The following IHO1 variants were observed in gnomAD, a reference collection of about 807,000 sequenced individuals.
IHO1 encodes the protein interactor of HORMAD1 1.
A neutral mutation model predicts 31.0 loss-of-function variants in IHO1; 13 were observed. The ratio of observed to expected loss-of-function variants is 0.42; its 90% CI spans 0.27 to 0.67. IHO1 has a LOEUF of 0.67. IHO1 is among the 30% of genes least tolerant of loss of function. The pLI, the probability that IHO1 is intolerant of heterozygous loss-of-function variation, is 0.24. For synonymous variants in IHO1, 221 were observed against 248.4 expected (o/e 0.89, Z 1.04); for missense variants, 599 against 687.5 (o/e 0.87, Z 1.44).
intron 2 of IHO1, among the ~76,000 whole-genome samples, chr3:49,233,772 G>A (rs2046511808): frequency 6.6e-6 from 1 of 152,216 alleles, no homozygotes; most frequent in Admixed American, 6.5e-5. Flanking sequence ...ACTGTGACAT[G>A]TTCATTATGG....
the IHO1 span, chr3:49,191,920 A>T: frequency 1.3e-6 from 1 of 759,752 alleles, no homozygotes; most frequent in African/African-American, 1.7e-5. Flanking sequence ...TTGTTGAGAC[A>T]GTACATGACC....
chr3:49,250,400 T>G (rs934061030), intron 6 of IHO1, among the ~76,000 whole-genome samples: 1 of 152,212 alleles, frequency 6.6e-6, no homozygotes, highest in Admixed American at 6.6e-5. Context: ...TATGTTGCCC[T>G]GGGGACAAGA....
chr3:49,238,425 A>G (rs1056792494), intron 3 of IHO1, among the ~76,000 whole-genome samples: 2 of 152,170 alleles, frequency 1.3e-5, no homozygotes, highest in African/African-American at 4.8e-5. Context: ...TAAGGTGTGC[A>G]CCGGCTCAGC....
upstream of IHO1, among the ~76,000 whole-genome samples, chr3:49,196,032 G>A (rs1296307947): frequency 1.3e-5 from 2 of 150,858 alleles, no homozygotes; most frequent in Non-Finnish European, 3.0e-5. Context: ...TCAGCAGATC[G>A]AGAATATCCT....
At chr3:49,207,297 G>A (rs1647470068) in intron 1 of IHO1, among the ~76,000 whole-genome samples, 1 of 150,522 alleles carries the variant, frequency 6.6e-6, no homozygotes, top group South Asian at 2.1e-4. Flanking sequence ...CTAGGTGGGA[G>A]TGCAGTGGTG....
intron 2 of IHO1, among the ~76,000 whole-genome samples, chr3:49,233,189 C>T (rs1048719431): frequency 2.0e-5 from 3 of 152,244 alleles, no homozygotes; most frequent in South Asian, 2.1e-4. Flanking sequence ...TTAAACAAAA[C>T]GGTCAGATGG....
upstream of IHO1, among the ~76,000 whole-genome samples, chr3:49,194,693 ACAGAC>A (rs375108957): frequency 6.2e-3 from 914 of 147,044 alleles, 10 homozygotes; most frequent in African/African-American, 0.021. Context: ...CCCAGGAGTT[ACAGAC>A]CAGCCTGGGC....
intron 2 of IHO1, among the ~76,000 whole-genome samples, chr3:49,231,717 C>T (rs1559446289): frequency 6.6e-6 from 1 of 152,192 alleles, no homozygotes; most frequent in Admixed American, 6.5e-5. Flanking sequence ...CTTCCAGGAC[C>T]TTTAACTGAA....
chr3:49,206,392 G>A (rs754714747), intron 1 of IHO1, among the ~76,000 whole-genome samples: 4 of 150,584 alleles, frequency 2.7e-5, no homozygotes, highest in Non-Finnish European at 5.9e-5. Context: ...CACCGCTCCC[G>A]GCCATTTTTG....
At chr3:49,214,607 C>CATATATATATATATATATACAT (rs1575568932) in intron 2 of IHO1, among the ~76,000 whole-genome samples, 43 of 24,770 alleles carry the variant, frequency 1.7e-3, no homozygotes, top group East Asian at 2.2e-3. Context: ...ATTTCTAGAT[C>CATATATATATATATATATACAT]ATATATATAT....
chr3:49,239,663 AT>A (rs1185572264), intron 3 of IHO1, among the ~76,000 whole-genome samples: 427 of 131,336 alleles, frequency 3.3e-3, no homozygotes, highest in Admixed American at 3.7e-3. Flanking sequence ...GGCTCAAGGG[AT>A]TTTTTTTTTT....
At chr3:49,227,250 G>C (rs1261925037) in intron 2 of IHO1, among the ~76,000 whole-genome samples, 1 of 152,046 alleles carries the variant, frequency 6.6e-6, no homozygotes, top group Admixed American at 6.6e-5. Flanking sequence ...AGAGAATATC[G>C]GGGCCAGGCC....
chr3:49,250,451 T>C lies in IHO1; in HGVS notation c.533-4939T>C, dbSNP rs531380688. 5.3e-4 allele frequency among the ~76,000 whole-genome samples: 81 copies of C among 152,338 alleles called. 1 individual carries two copies. Among genetic ancestry groups the C allele is most frequent in the African/African-American group, 1.4e-3 (60 of 41,588 alleles). On this transcript the variant is annotated intron_variant, in intron 6 of 7. Transcript: ENST00000452691. ...CCTCAGATGGATGCTTTCTGAGCAC[T>C]TAATCCAGAATCAAACACTTTGCTT...
intron 2 of IHO1, among the ~76,000 whole-genome samples, chr3:49,235,935 A>AG (rs1455775034): frequency 6.6e-6 from 1 of 151,152 alleles, no homozygotes; most frequent in African/African-American, 2.4e-5. Context: ...GTCTCAAAAA[A>AG]AAAAAAAAAA....
intron 5 of IHO1, 51 bp downstream of exon 5, chr3:49,244,503 T>C (rs1414637384): frequency 2.2e-6 from 3 of 1,351,560 alleles, no homozygotes; most frequent in Non-Finnish European, 3.1e-6. Context: ...TTTTAAGAAG[T>C]TTAATATTTA....
At chr3:49,209,873 C>T (rs1381091385) in intron 1 of IHO1, among the ~76,000 whole-genome samples, 1 of 151,336 alleles carries the variant, frequency 6.6e-6, no homozygotes, top group East Asian at 2.0e-4. Context: ...CACCACCATG[C>T]CCGGCTAATT....
chr3:49,255,415 T>TGGTGTTTGAGGCAGTCCAGGAC lies in IHO1; in HGVS notation c.559_560insGTGTTTGAGGCAGTCCAGGACG (p.Asp187GlyfsTer3). On this transcript the variant is annotated stop_gained and frameshift_variant, in exon 7 of 8. Coordinates refer to ENST00000452691, the MANE Select transcript of IHO1 (RefSeq NM_001135197.2). LOFTEE classifies it high-confidence loss of function. Reference sequence around the variant, plus strand: ...TACAAGAGACTATACAGGCCCAGAATGACCTGGTGTTTGAGGCAGTCCAGG... The same window carrying TGGTGTTTGAGGCAGTCCAGGAC: ...TACAAGAGACTATACAGGCCCAGAATGGTGTTTGAGGCAGTCCAGGACGACCTGGTGTTTGAGGCAGTCCAGG... The TGGTGTTTGAGGCAGTCCAGGAC allele has an allele frequency of 6.2e-7, 1 of 1,602,322 alleles. No homozygotes were observed. Among genetic ancestry groups the TGGTGTTTGAGGCAGTCCAGGAC allele is most frequent in the Non-Finnish European group, 8.5e-7 (1 of 1,177,042 alleles).
intron 4 of IHO1, among the ~76,000 whole-genome samples, chr3:49,243,649 T>C (rs2046658716): frequency 6.6e-6 from 1 of 150,552 alleles, no homozygotes; most frequent in African/African-American, 2.4e-5. Context: ...TCCCAGCTAC[T>C]TGGGAGGCTG....
intron 1 of IHO1, among the ~76,000 whole-genome samples, chr3:49,201,576 T>TCGCGC (rs1405365595): frequency 6.6e-6 from 1 of 151,852 alleles, no homozygotes; most frequent in Non-Finnish European, 1.5e-5. Context: ...TGAGCCAAGA[T>TCGCGC]CGCGCCACTC....
Sources: allele counts gnomAD v4.1 joint callset (sites outside exome capture counted in the v4.1 genomes callset), GRCh38; gene constraint gnomAD v4.1.1; transcripts MANE v1.5; gene names NCBI Gene and HGNC (gene_info 2026-07-23, HGNC 2026-07-21).